The following ACTR3 variants were observed in gnomAD, a reference collection of about 807,000 sequenced individuals.
ACTR3 encodes the protein actin-related protein 3.
Under a neutral mutation model 56.8 loss-of-function variants are expected in ACTR3, and 12 were observed. The observed-to-expected ratio is 0.21, with a 90% CI of 0.14 to 0.34. The LOEUF is 0.34. ACTR3 is among the 10% of genes least tolerant of loss of function. ACTR3 has a pLI of 1.00. For missense variants in ACTR3, 282 were observed against 512.5 expected (o/e 0.55, Z 4.34); for synonymous variants, 162 against 167.4 (o/e 0.97, Z 0.25).
chr2:113,932,439 C>A (rs986480811), intron 5 of ACTR3, among the ~76,000 whole-genome samples: 2 of 152,116 alleles, frequency 1.3e-5, no homozygotes, highest in Non-Finnish European at 2.9e-5. Context: ...ACCATATTGT[C>A]AGGTAAAGCT....
At chr2:113,916,747 T>C (rs1356638614) in intron 2 of ACTR3, 137 bp from the exon 3 acceptor site, 4 of 639,034 alleles carry the variant, frequency 6.3e-6, no homozygotes, top group Non-Finnish European at 9.2e-6. Flanking sequence ...CTTATGACTT[T>C]TGTGAATTAG....
intron 2 of ACTR3, among the ~76,000 whole-genome samples, chr2:113,914,447 C>G (rs1251088691): frequency 6.6e-6 from 1 of 151,868 alleles, no homozygotes; most frequent in Non-Finnish European, 1.5e-5. Context: ...CCTGTCTCTA[C>G]TAAAAATACA....
At position 113,906,075 on chromosome 2, in the gene ACTR3, GT is replaced by G. The variant is rs1679187291; in HGVS notation, c.45-7093del. On this transcript the variant is annotated intron_variant, in intron 1 of 11. Transcript: ENST00000263238. Reference sequence around the variant, plus strand: ...TAATTTTTGGAGGAACTATTTTATAGTTTTCCACAGCATTGCACCATTTTAA... The same window carrying G: ...TAATTTTTGGAGGAACTATTTTATAGTTTCCACAGCATTGCACCATTTTAA... Among the ~76,000 whole-genome samples, 6 of 152,262 alleles carry G rather than the reference GT, an allele frequency of 3.9e-5. No individual in the cohort carries two copies. In the East Asian group the frequency reaches 1.2e-3, roughly 29 times the overall value.
intron 8 of ACTR3, among the ~76,000 whole-genome samples, 188 bp downstream of exon 8, chr2:113,942,547 G>GTTGCTA (rs1437795624): frequency 6.6e-6 from 1 of 151,948 alleles, no homozygotes; most frequent in Admixed American, 6.6e-5. Flanking sequence ...AAGCAAAATT[G>GTTGCTA]TTGCTATTTT....
chr2:113,957,683 C>A lies in ACTR3; in HGVS notation c.*228C>A. 1 of 448,696 alleles carries A rather than the reference C, an allele frequency of 2.2e-6. No individual in the cohort carries two copies. 27.8% of individuals were successfully genotyped at this position (448,696 alleles called of 1,614,324 possible). Reference sequence around the variant, plus strand: ...TTGAATATTTGAATCTTATGTGTAACAAAAAGAAGTGGGTTTTAGTTCTTT... The same window carrying A: ...TTGAATATTTGAATCTTATGTGTAAAAAAAAGAAGTGGGTTTTAGTTCTTT... On this transcript the variant is annotated 3_prime_UTR_variant, in exon 12 of 12. Coordinates refer to ENST00000263238, the MANE Select transcript of ACTR3 (RefSeq NM_005721.5).
intron 2 of ACTR3, among the ~76,000 whole-genome samples, chr2:113,914,614 C>CAAAAAA (rs55784117): frequency 7.2e-5 from 5 of 69,214 alleles, no homozygotes; most frequent in African/African-American, 1.7e-4. Context: ...GACTCAGTCT[C>CAAAAAA]AAAAAAAAAA....
At chr2:113,897,836 A>G (rs189458214) in intron 1 of ACTR3, among the ~76,000 whole-genome samples, 18 of 152,224 alleles carry the variant, frequency 1.2e-4, no homozygotes, top group African/African-American at 4.3e-4. Flanking sequence ...CATACCTGAG[A>G]AGAATATTCA....
chr2:113,907,432 T>G (rs1679216210), intron 1 of ACTR3, among the ~76,000 whole-genome samples: 2 of 152,084 alleles, frequency 1.3e-5, no homozygotes, highest in African/African-American at 2.4e-5. Flanking sequence ...TTAAATTTTT[T>G]GTAGAGATTT....
intron 10 of ACTR3, chr2:113,953,177 A>G (rs1680149565): frequency 6.6e-6 from 1 of 152,208 alleles, no homozygotes; most frequent in Non-Finnish European, 1.5e-5. Context: ...TATTTTAAAA[A>G]AGTGAGATTG....
intron 4 of ACTR3, among the ~76,000 whole-genome samples, chr2:113,929,402 A>G (rs1679678595): frequency 6.6e-6 from 1 of 151,956 alleles, no homozygotes; most frequent in African/African-American, 2.4e-5. Context: ...TGGCCTCTCA[A>G]AGTGCTGCCA....
At chr2:113,900,594 A>G (rs949382635) in intron 1 of ACTR3, among the ~76,000 whole-genome samples, 9 of 152,194 alleles carry the variant, frequency 5.9e-5, no homozygotes, top group African/African-American at 2.2e-4. Flanking sequence ...ATACTTAGTG[A>G]GTTTTATTCA....
intron 1 of ACTR3, chr2:113,904,955 A>G (rs1679166687): frequency 6.6e-6 from 1 of 152,034 alleles, no homozygotes; most frequent in South Asian, 2.1e-4. Context: ...AAGAGATTAT[A>G]TCTGTCTAGA....
intron 6 of ACTR3, among the ~76,000 whole-genome samples, chr2:113,935,778 C>G (rs1248035547): frequency 6.6e-6 from 1 of 151,690 alleles, no homozygotes; most frequent in Non-Finnish European, 1.5e-5. Context: ...TCTTTGAGTA[C>G]CTCAGTTTAC....
chr2:113,919,543 GTC>G (rs1379082928), intron 3 of ACTR3, among the ~76,000 whole-genome samples: 1 of 151,984 alleles, frequency 6.6e-6, no homozygotes, highest in African/African-American at 2.4e-5. Flanking sequence ...TTAAATGTAA[GTC>G]TGATTAGATT....
At chr2:113,890,692 G>A (rs1678872976) in intron 1 of ACTR3, 2 of 1,131,274 alleles carry the variant, frequency 1.8e-6, no homozygotes, top group East Asian at 4.9e-5. Flanking sequence ...TTCCCTCCGC[G>A]CCCGTTTTTG....
chr2:113,950,362 G>A (rs1426014072), intron 8 of ACTR3, among the ~76,000 whole-genome samples: 2 of 152,140 alleles, frequency 1.3e-5, no homozygotes, highest in Non-Finnish European at 1.5e-5. Context: ...TGAAAACCGT[G>A]CCACTAAATA....
intron 2 of ACTR3, among the ~76,000 whole-genome samples, chr2:113,916,523 T>C (rs939130866): frequency 7.9e-5 from 12 of 152,158 alleles, no homozygotes; most frequent in African/African-American, 2.7e-4. Flanking sequence ...CATTTGTGTT[T>C]TTCAGTTTTT....
rs757440769 is a variant in ACTR3 at position 113,957,438 on chromosome 2, T to C, written c.1240T>C (p.Phe414Leu). The change falls in exon 12 of 12, where the codon TTT becomes CTT. Residue 414 changes from phenylalanine to leucine, a missense_variant. Physicochemically the swap from Phe to Leu is conservative, Grantham distance 22. Transcript: ENST00000263238. ...TAGCATTTGTCGTCACAATCCAGTG[T>C]TTGGAGTCATGTCGTAAAATTGGCT... ...GPSICRHNPV[F>L]GVMS 1 of 1,613,112 alleles carries C rather than the reference T, an allele frequency of 6.2e-7. No homozygotes were observed. Among genetic ancestry groups the C allele is most frequent in the East Asian group, 2.2e-5 (1 of 44,840 alleles).
intron 5 of ACTR3, among the ~76,000 whole-genome samples, chr2:113,933,627 G>A (rs1217364352): frequency 6.6e-6 from 1 of 151,848 alleles, no homozygotes; most frequent in Non-Finnish European, 1.5e-5. Flanking sequence ...GTTTGTAACA[G>A]GCCAGCCCAC....
Sources: allele counts gnomAD v4.1 joint callset (sites outside exome capture counted in the v4.1 genomes callset), GRCh38; gene constraint gnomAD v4.1.1; transcripts MANE v1.5; gene names NCBI Gene and HGNC (gene_info 2026-07-23, HGNC 2026-07-21).